Variants in SHTN1 observed in about 807,000 individuals in gnomAD.
The protein encoded by SHTN1 is shootin 1.
A neutral mutation model predicts 83.1 loss-of-function variants in SHTN1; 42 were observed. The observed-to-expected ratio is 0.51, with a 90% CI of 0.39 to 0.65. The LOEUF is 0.65. Ranked by LOEUF, SHTN1 falls within the 30% of genes least tolerant of loss-of-function variation. The pLI is 0.00. For missense variants in SHTN1, 622 were observed against 737.8 expected, an observed-to-expected ratio of 0.84 and a Z score of 1.82; for synonymous variants, 224 against 247.7, an observed-to-expected ratio of 0.90 and a Z score of 0.90.
intron 1 of SHTN1, among the ~76,000 whole-genome samples, chr10:117,106,761 T>C (rs905821466): frequency 1.3e-5 from 2 of 152,222 alleles, no homozygotes; most frequent in Non-Finnish European, 2.9e-5. Flanking sequence ...ATGTTTCTTA[T>C]GCATTCTTGA....
intron 14 of SHTN1, among the ~76,000 whole-genome samples, chr10:116,909,019 G>A (rs1848084935): frequency 6.6e-6 from 1 of 152,138 alleles, no homozygotes. Context: ...AAAATACCAA[G>A]ACTATTTTAG....
chr10:116,960,872 A>G (rs539249766), intron 3 of SHTN1, among the ~76,000 whole-genome samples: 1 of 152,334 alleles, frequency 6.6e-6, no homozygotes, highest in East Asian at 1.9e-4. Context: ...TATCAGAAGC[A>G]TTAGAAGAAA....
chr10:117,005,164 G>C lies in SHTN1; in HGVS notation c.-85C>G. On this transcript the variant is annotated 5_prime_UTR_variant, in exon 1 of 17. Coordinates refer to ENST00000355371, the MANE Select transcript of SHTN1 (RefSeq NM_001127211.3). ...GAGGGGGAAGAAAAAGCAAGATGCCGGTGGCTTGCGGCTCCACTACCCGGA... is the reference window on the plus strand; with the variant it reads ...GAGGGGGAAGAAAAAGCAAGATGCCCGTGGCTTGCGGCTCCACTACCCGGA... 6.5e-7 allele frequency: 1 copy of C among 1,545,090 alleles called. No individual in the cohort carries two copies. The highest frequency in any genetic ancestry group is 8.7e-7 in the Non-Finnish European group (1 of 1,145,122).
At chr10:116,992,266 A>C (rs1228774680) in intron 1 of SHTN1, among the ~76,000 whole-genome samples, 1 of 152,242 alleles carries the variant, frequency 6.6e-6, no homozygotes, top group Non-Finnish European at 1.5e-5. Context: ...TGATAACACA[A>C]GTTAAAGATA....
intron 5 of SHTN1, among the ~76,000 whole-genome samples, chr10:116,953,721 G>C (rs1849872802): frequency 7.1e-6 from 1 of 141,326 alleles, no homozygotes; most frequent in Non-Finnish European, 1.5e-5. Flanking sequence ...TCTGCCTCCT[G>C]GGTTCAAGTG....
intron 1 of SHTN1, among the ~76,000 whole-genome samples, chr10:116,984,425 C>G (rs1021536949): frequency 6.6e-6 from 1 of 152,128 alleles, no homozygotes; most frequent in Non-Finnish European, 1.5e-5. Flanking sequence ...AGTTCTGGGC[C>G]GCTCTGTCAA....
At chr10:116,946,534 T>C (rs954213255) in intron 7 of SHTN1, among the ~76,000 whole-genome samples, 7 of 134,266 alleles carry the variant, frequency 5.2e-5, no homozygotes, top group African/African-American at 1.7e-4. Context: ...TATAAAATGA[T>C]TTATATATAA....
chr10:116,969,607 G>A lies in SHTN1; in HGVS notation c.112-895C>T, dbSNP rs1026117826. 3.9e-5 allele frequency among the ~76,000 whole-genome samples: 6 copies of A among 152,122 alleles called. No homozygotes were observed. In the South Asian group the frequency reaches 6.2e-4, roughly 16 times the overall value. ...TAAGCACATATCATTTATATAAACC[G>A]ATTTTTAATTTAAAAAGGTGGGAGA... is the stretch of plus-strand genomic sequence containing the variant. On this transcript the variant is annotated intron_variant, in intron 2 of 16. Coordinates refer to ENST00000355371, the MANE Select transcript of SHTN1 (RefSeq NM_001127211.3).
At chr10:117,085,873 A>G (rs1375466050) in intron 1 of SHTN1, among the ~76,000 whole-genome samples, 1 of 143,036 alleles carries the variant, frequency 7.0e-6, no homozygotes, top group East Asian at 2.0e-4. Context: ...TAATGGTCCT[A>G]TTTATCCCTG....
chr10:116,967,582 C>G (rs1448957928), intron 3 of SHTN1, among the ~76,000 whole-genome samples: 5 of 152,172 alleles, frequency 3.3e-5, no homozygotes, highest in Admixed American at 6.5e-5. Context: ...TCCTTCTGCC[C>G]TCTTTATTTA....
chr10:117,057,661 G>C (rs1024974327), intron 1 of SHTN1, among the ~76,000 whole-genome samples: 3 of 152,136 alleles, frequency 2.0e-5, no homozygotes, highest in African/African-American at 7.2e-5. Context: ...GCATGCTCAA[G>C]GGAAGGCACA....
chr10:116,914,212 G>A (rs1390542696), intron 13 of SHTN1, among the ~76,000 whole-genome samples: 3 of 152,180 alleles, frequency 2.0e-5, no homozygotes, highest in Admixed American at 2.0e-4. Context: ...GGTGGCTCAT[G>A]CCTGTAATCC....
intron 2 of SHTN1, among the ~76,000 whole-genome samples, chr10:116,977,689 T>TGTGTGTGTGTGTGTGTG (rs35991700): frequency 6.7e-6 from 1 of 150,356 alleles, no homozygotes; most frequent in African/African-American, 2.4e-5. Flanking sequence ...TGTGTGTGTG[T>TGTGTGTGTGTGTGTGTG]TTTGAGACAA....
In SHTN1 at chr10:116,885,459, AC is replaced by A. The variant is rs1478439374; in HGVS notation, c.*884del. On this transcript the variant is annotated 3_prime_UTR_variant, in exon 17 of 17. Transcript: ENST00000355371. ...CTGCTTAATTTCTTTTTTAAAAAAA[AC>A]AACAACAAACCTGTGTAATATAGAA... 3 of 152,612 alleles carry A rather than the reference AC, an allele frequency of 2.0e-5. No individual in the cohort carries two copies. Among genetic ancestry groups the A allele is most frequent in the South Asian group, 2.1e-4 (1 of 4,832 alleles). The allele number at this position is 152,612 out of a possible 1,614,324, so 9.5% of individuals were successfully genotyped here.
At chr10:116,966,092 C>T (rs532788063) in intron 3 of SHTN1, among the ~76,000 whole-genome samples, 7 of 152,164 alleles carry the variant, frequency 4.6e-5, no homozygotes, top group South Asian at 2.1e-4. Flanking sequence ...CTGCAACCTC[C>T]GCCTCCCTGG....
rs189756900 is a variant in SHTN1, at chr10:117,070,354, C to T, written c.-188-21844G>A. ...CCAGATTCTAGTTTAAAACCACAGC[C>T]GGAGATTTTCTTTTGAAGTCCCTAT... On this transcript the variant is annotated intron_variant, in intron 1 of 17. Transcript: ENST00000392901. 2.6e-4 allele frequency among the ~76,000 whole-genome samples: 40 copies of T among 152,046 alleles called. 1 individual carries two copies. The highest frequency in any genetic ancestry group is 8.2e-4 in the African/African-American group (34 of 41,460).
chr10:116,890,283 A>C (rs1334624097), intron 16 of SHTN1, among the ~76,000 whole-genome samples: 2 of 152,236 alleles, frequency 1.3e-5, no homozygotes, highest in East Asian at 3.8e-4. Flanking sequence ...ATCTGCAAGT[A>C]AAACTTAAAT....
chr10:117,110,459 C>T (rs913992631), intron 1 of SHTN1, among the ~76,000 whole-genome samples: 1 of 152,142 alleles, frequency 6.6e-6, no homozygotes. Context: ...TTGAGAAATT[C>T]TCCTGCCTCA....
chr10:117,087,898 C>T (rs1853373074), intron 1 of SHTN1, among the ~76,000 whole-genome samples: 1 of 152,074 alleles, frequency 6.6e-6, no homozygotes, highest in South Asian at 2.1e-4. Context: ...AGACCAGGAG[C>T]TTGAGACCAC....
Sources: allele counts gnomAD v4.1 joint callset (sites outside exome capture counted in the v4.1 genomes callset), GRCh38; gene constraint gnomAD v4.1.1; transcripts MANE v1.5; gene names NCBI Gene and HGNC (gene_info 2026-07-23, HGNC 2026-07-21).